Variants in SVIL observed in about 807,000 individuals in gnomAD.
The protein encoded by SVIL is supervillin.
A neutral mutation model predicts 240.4 loss-of-function variants in SVIL; 101 were observed. That is an observed-to-expected ratio of 0.42 (90% CI 0.36 to 0.50). The LOEUF (loss-of-function observed/expected upper bound fraction) is 0.50, where lower values mean the gene tolerates loss of function less well. Among genes scored for constraint, SVIL ranks in the 20% least tolerant of loss-of-function variants. SVIL has a pLI of 0.01. For synonymous variants in SVIL, 999 were observed against 1,100.0 expected, an observed-to-expected ratio of 0.91 and a Z score of 1.82; for missense variants, 2,512 against 2,818.7, an observed-to-expected ratio of 0.89 and a Z score of 2.46.
At chr10:29,504,410 G>C (rs367954802) in intron 17 of SVIL, among the ~76,000 whole-genome samples, 2 of 152,122 alleles carry the variant, frequency 1.3e-5, no homozygotes, top group East Asian at 1.9e-4. Context: ...ACAATCTACA[G>C]AATGGGAGAA....
chr10:29,722,395 A>C (rs1964045655), intron 1 of SVIL, among the ~76,000 whole-genome samples: 1 of 152,162 alleles, frequency 6.6e-6, no homozygotes, highest in East Asian at 1.9e-4. Flanking sequence ...AAGCCCTAGA[A>C]GTTAAGAAAT....
At chr10:29,678,943 T>C (rs1179015936) in intron 2 of SVIL, among the ~76,000 whole-genome samples, 3 of 152,128 alleles carry the variant, frequency 2.0e-5, no homozygotes, top group African/African-American at 7.2e-5. Context: ...CAGTGGCTCA[T>C]GCCTGTAATC....
intron 3 of SVIL, among the ~76,000 whole-genome samples, chr10:29,655,880 T>C (rs1408057931): frequency 3.3e-5 from 5 of 151,500 alleles, no homozygotes; most frequent in Non-Finnish European, 7.4e-5. Flanking sequence ...GTGGGTTTTT[T>C]TTTTTTTTTT....
rs184853244 is a variant in SVIL, at chr10:29,606,903, T to C, written c.-201+27517A>G. ...CCAAGCAGCTGGGATTACAGCCACG[T>C]GCCACCACACCCGGCTAATTTTTGT... On this transcript the variant is annotated intron_variant, in intron 1 of 37. Coordinates refer to ENST00000355867, the MANE Select transcript of SVIL (RefSeq NM_021738.3). Among the ~76,000 whole-genome samples, 586 of 152,240 alleles carry C rather than the reference T, an allele frequency of 3.8e-3. 1 individual carries two copies. Among genetic ancestry groups the C allele is most frequent in the South Asian group, 0.012 (57 of 4,824 alleles).
At chr10:29,498,088 C>CAAAAA (rs34280398) in intron 18 of SVIL, among the ~76,000 whole-genome samples, 42 of 37,460 alleles carry the variant, frequency 1.1e-3, no homozygotes, top group African/African-American at 1.1e-3. Flanking sequence ...TCCCCTCCAC[C>CAAAAA]AAAAAAAAAA....
intron 17 of SVIL, among the ~76,000 whole-genome samples, chr10:29,509,815 ACTC>A (rs1223774757): frequency 2.0e-5 from 3 of 152,176 alleles, no homozygotes; most frequent in East Asian, 3.9e-4. Context: ...GTGCCATTGC[ACTC>A]CAGCCTGGGC....
chr10:29,528,174 A>T (rs1213980363), intron 12 of SVIL, among the ~76,000 whole-genome samples: 1 of 152,198 alleles, frequency 6.6e-6, no homozygotes, highest in Non-Finnish European at 1.5e-5. Context: ...TACACCAGCC[A>T]TTCAAATATT....
At chr10:29,691,935 G>A (rs1391214135) in intron 1 of SVIL, among the ~76,000 whole-genome samples, 1 of 152,132 alleles carries the variant, frequency 6.6e-6, no homozygotes, top group Non-Finnish European at 1.5e-5. Flanking sequence ...CTCAGCTCTG[G>A]TCCCCTTCCT....
chr10:29,490,102 G>T (rs1278265031), intron 22 of SVIL, among the ~76,000 whole-genome samples: 2 of 152,108 alleles, frequency 1.3e-5, no homozygotes, highest in African/African-American at 4.8e-5. Flanking sequence ...CAGTGAGACT[G>T]AGAGTCTGGA....
intron 1 of SVIL, among the ~76,000 whole-genome samples, chr10:29,580,356 A>T (rs7099237): frequency 0.24 from 37,052 of 151,928 alleles, 4,914 homozygotes; most frequent in East Asian, 0.38. Context: ...TCTCTAAAAA[A>T]ATTGTTTTAA....
chr10:29,614,948 A>G (rs1191181358), intron 1 of SVIL, among the ~76,000 whole-genome samples: 2 of 152,174 alleles, frequency 1.3e-5, no homozygotes. Context: ...AACCTATCTG[A>G]TCCTCATAAC....
At chr10:29,516,662 AG>A (rs1950221915) in intron 16 of SVIL, among the ~76,000 whole-genome samples, 1 of 152,234 alleles carries the variant, frequency 6.6e-6, no homozygotes. Context: ...TGATGCTGGG[AG>A]CCTGGGCAGT....
At chr10:29,482,462 A>G (rs1162681176) in intron 27 of SVIL, among the ~76,000 whole-genome samples, 1 of 152,190 alleles carries the variant, frequency 6.6e-6, no homozygotes, top group Non-Finnish European at 1.5e-5. Context: ...TTCCCGTCCA[A>G]TTAATTAATA....
At chr10:29,506,321 G>T (rs1288846225) in intron 17 of SVIL, among the ~76,000 whole-genome samples, 2 of 152,084 alleles carry the variant, frequency 1.3e-5, no homozygotes, top group Non-Finnish European at 2.9e-5. Context: ...GTGGACACTG[G>T]CTGGGTACGT....
At chr10:29,506,703 C>CAGAGGGCCTAA (rs1564535167) in intron 17 of SVIL, among the ~76,000 whole-genome samples, 21 of 105,006 alleles carry the variant, frequency 2.0e-4, no homozygotes, top group African/African-American at 6.8e-4. Context: ...AGAGGCCCTA[C>CAGAGGGCCTAA]GAGGGAGGGG....
At chr10:29,512,664 C>G in intron 17 of SVIL, 71 bp downstream of exon 17, 1 of 1,611,628 alleles carries the variant, frequency 6.2e-7, no homozygotes, top group African/African-American at 1.3e-5. Flanking sequence ...AGGTGGCACA[C>G]GCTTGTCTTT....
intron 1 of SVIL, among the ~76,000 whole-genome samples, chr10:29,692,347 T>C (rs890315044): frequency 4.6e-5 from 7 of 152,170 alleles, no homozygotes; most frequent in South Asian, 2.1e-4. Context: ...CCACCCCGTA[T>C]GAGCAGGTGA....
chr10:29,693,322 G>C (rs1024354869), intron 1 of SVIL, among the ~76,000 whole-genome samples: 67 of 151,578 alleles, frequency 4.4e-4, no homozygotes, highest in African/African-American at 1.6e-3. Context: ...TGGGGGGTGG[G>C]GGAGAGGAGC....
chr10:29,596,080 A>C lies in SVIL; in HGVS notation c.-200-26768T>G, dbSNP rs145142006. Among the ~76,000 whole-genome samples, 185 of 152,338 alleles carry C rather than the reference A, an allele frequency of 1.2e-3. No individual in the cohort carries two copies. The Middle Eastern group carries it at 0.014, about 11-fold the overall frequency. Reference sequence around the variant, plus strand: ...GTGTCACATATGAGAGCACAGAAGCACCACACACCCCTTCTCCTTCACGAG... The same window carrying C: ...GTGTCACATATGAGAGCACAGAAGCCCCACACACCCCTTCTCCTTCACGAG... On this transcript the variant is annotated intron_variant, in intron 1 of 37. Coordinates refer to ENST00000355867, the MANE Select transcript of SVIL (RefSeq NM_021738.3).
Sources: gnomAD v4.1 joint callset for allele counts (sites outside exome capture counted in the v4.1 genomes callset) on GRCh38, gnomAD v4.1.1 for gene constraint, MANE v1.5 for transcripts, NCBI Gene and HGNC (gene_info 2026-07-23, HGNC 2026-07-21) for gene names.